Variants in STK17B observed in about 807,000 individuals in gnomAD.
STK17B encodes serine/threonine-protein kinase 17B.
A neutral mutation model predicts 42.0 loss-of-function variants in STK17B; 21 were observed. That is an observed-to-expected ratio of 0.50 (90% CI 0.35 to 0.72). The LOEUF (loss-of-function observed/expected upper bound fraction) is 0.72. STK17B is among the 30% of genes least tolerant of loss of function. The pLI is 0.00. For missense variants in STK17B, 349 were observed against 446.0 expected (o/e 0.78, Z 1.96); for synonymous variants, 143 against 148.4 (o/e 0.96, Z 0.26).
At chr2:196,139,328 A>G (rs1446429876) in intron 7 of STK17B, among the ~76,000 whole-genome samples, 2 of 152,232 alleles carry the variant, frequency 1.3e-5, no homozygotes, top group Non-Finnish European at 2.9e-5. Flanking sequence ...TGTGTATTGT[A>G]AATTTCTATG....
At chr2:196,176,254 G>T (rs1699996109), upstream of STK17B, 1 of 152,090 alleles carries the variant, frequency 6.6e-6, no homozygotes, top group Non-Finnish European at 1.5e-5. Context: ...CCTCTCCTTG[G>T]AGCCACCTGG....
chr2:196,166,477 T>G (rs1253366054), intron 1 of STK17B, among the ~76,000 whole-genome samples: 3 of 152,186 alleles, frequency 2.0e-5, no homozygotes, highest in Non-Finnish European at 2.9e-5. Flanking sequence ...TTTTATCAGG[T>G]TATAGCATTT....
chr2:196,174,826 C>T (rs1358737897), upstream of STK17B, among the ~76,000 whole-genome samples: 1 of 152,242 alleles, frequency 6.6e-6, no homozygotes, highest in Non-Finnish European at 1.5e-5. Context: ...TCTTGAAACA[C>T]TATTAGCAAA....
chr2:196,158,672 C>T (rs893591031), intron 2 of STK17B, among the ~76,000 whole-genome samples: 1 of 152,086 alleles, frequency 6.6e-6, no homozygotes, highest in Admixed American at 6.5e-5. Context: ...AATGTGAATT[C>T]CTAACTTTCT....
intron 6 of STK17B, among the ~76,000 whole-genome samples, chr2:196,140,966 T>C (rs1270471346): frequency 6.6e-6 from 1 of 152,216 alleles, no homozygotes; most frequent in African/African-American, 2.4e-5. Flanking sequence ...ACCTTCATCA[T>C]AAAATATGTA....
At chr2:196,137,962 A>T (rs1699431849) in intron 7 of STK17B, among the ~76,000 whole-genome samples, 1 of 152,220 alleles carries the variant, frequency 6.6e-6, no homozygotes, top group Non-Finnish European at 1.5e-5. Flanking sequence ...TTATTTAACA[A>T]TCATAACAAA....
intron 4 of STK17B, among the ~76,000 whole-genome samples, chr2:196,145,131 C>T (rs1215761103): frequency 6.6e-6 from 1 of 150,478 alleles, no homozygotes; most frequent in Non-Finnish European, 1.5e-5. Context: ...TACTGTCCCC[C>T]TGCTCCATAG....
intron 3 of STK17B, among the ~76,000 whole-genome samples, chr2:196,147,891 C>T (rs1699603977): frequency 6.6e-6 from 1 of 152,044 alleles, no homozygotes; most frequent in Admixed American, 6.6e-5. Context: ...GCCACCACGC[C>T]CGGCTAATTT....
chr2:196,155,720 A>G (rs1699729263), intron 3 of STK17B, among the ~76,000 whole-genome samples: 1 of 152,196 alleles, frequency 6.6e-6, no homozygotes, highest in Non-Finnish European at 1.5e-5. Context: ...TCCTTAGAAT[A>G]AACGTGACAG....
At position 196,137,231 on chromosome 2, in the gene STK17B, A is replaced by T; in HGVS notation, c.*216T>A. The T allele has an allele frequency of 2.1e-6, 1 of 482,266 alleles. No individual in the cohort carries two copies. Among genetic ancestry groups the T allele is most frequent in the Non-Finnish European group, 3.6e-6 (1 of 280,488 alleles). The allele number at this position is 482,266 out of a possible 1,614,324, so 29.9% of individuals were successfully genotyped here. A position where few individuals can be genotyped will look rare whatever the true frequency, so the allele number is the denominator to read the frequency against. On this transcript the variant is annotated 3_prime_UTR_variant, in exon 8 of 8. Coordinates refer to ENST00000263955, the MANE Select transcript of STK17B (RefSeq NM_004226.4). ...CATGTACAATTTTACTTTTTGTCAT[A>T]TATTTAAATATTTTCTTATCTGCAG... is the stretch of plus-strand genomic sequence containing the variant.
Position 196,137,491 on chromosome 2 carries a change from A to T in STK17B, c.1075T>A (p.Ser359Thr). The T allele has an allele frequency of 6.2e-7, 1 of 1,614,144 alleles. No individual in the cohort carries two copies. Among genetic ancestry groups the T allele is most frequent in the South Asian group, 1.1e-5 (1 of 91,082 alleles). ...MVSKRFRFDD[S>T]LPNPHELVSD... is the part of the protein sequence containing the mutation. ...ACAAGTTCATGGGGATTGGGTAATG[A>T]GTCATCGAAACGAAATCTTTTGGAA... Residue 359 changes from serine (S) to threonine (T), a missense_variant, in exon 8 of 8, where the codon TCA (serine) becomes ACA (threonine). By Grantham distance (58) the Ser-to-Thr change is moderately conservative. Coordinates refer to ENST00000263955, the MANE Select transcript of STK17B (RefSeq NM_004226.4).
chr2:196,157,732 G>A (rs1348979287), intron 2 of STK17B, among the ~76,000 whole-genome samples: 1 of 152,186 alleles, frequency 6.6e-6, no homozygotes, highest in Non-Finnish European at 1.5e-5. Flanking sequence ...CTCTCCAATG[G>A]CAGTGCTTAG....
rs1699942547 is a variant in STK17B at position 196,171,489 on chromosome 2, A to G, written c.-201T>C. The G allele has an allele frequency of 6.6e-6, 1 of 152,220 alleles. No homozygotes were observed. The highest frequency in any genetic ancestry group is 1.9e-4 in the East Asian group (1 of 5,186). 9.4% of individuals were successfully genotyped at this position (152,220 alleles called of 1,614,324 possible). On this transcript the variant is annotated 5_prime_UTR_variant, in exon 1 of 8. Coordinates refer to ENST00000263955, the MANE Select transcript of STK17B (RefSeq NM_004226.4). Reference sequence around the variant, plus strand: ...GCAGGATCCACTTTTACTTTTCCAGACAAGGGCCGACGGTTGTGACCTGGC... The same window carrying G: ...GCAGGATCCACTTTTACTTTTCCAGGCAAGGGCCGACGGTTGTGACCTGGC...
chr2:196,162,536 T>A (rs1699825355), intron 2 of STK17B, among the ~76,000 whole-genome samples: 1 of 151,930 alleles, frequency 6.6e-6, no homozygotes, highest in African/African-American at 2.4e-5. Flanking sequence ...TTAATCCTCA[T>A]AACAACCATA....
upstream of STK17B, among the ~76,000 whole-genome samples, chr2:196,172,001 G>C (rs1304645196): frequency 6.6e-6 from 1 of 152,234 alleles, no homozygotes; most frequent in Non-Finnish European, 1.5e-5. Flanking sequence ...AAACTTCAGT[G>C]CCTACCAAAG....
intron 1 of STK17B, among the ~76,000 whole-genome samples, chr2:196,164,044 A>G (rs890372391): frequency 8.6e-5 from 13 of 150,770 alleles, no homozygotes; most frequent in African/African-American, 3.2e-4. Context: ...ATCTCAATAA[A>G]TAAATAAATA....
At chr2:196,165,900 C>T (rs1699869615) in intron 1 of STK17B, among the ~76,000 whole-genome samples, 1 of 152,220 alleles carries the variant, frequency 6.6e-6, no homozygotes. Context: ...GTACTGTTTC[C>T]ATGTACAAAA....
intron 3 of STK17B, 61 bp from the exon 4 acceptor site, chr2:196,146,116 T>C (rs1185601705): frequency 9.0e-6 from 13 of 1,451,748 alleles, no homozygotes; most frequent in Non-Finnish European, 1.1e-5. Flanking sequence ...CTTTTAAATA[T>C]TGTGTACCTG....
At chr2:196,156,415 A>C (rs766028430) in intron 3 of STK17B, 24 bp downstream of exon 3, 1 of 1,525,122 alleles carries the variant, frequency 6.6e-7, no homozygotes, top group South Asian at 1.2e-5. Context: ...CAACTAAAAT[A>C]GGTACTATTT....
Sources: allele counts gnomAD v4.1 joint callset (sites outside exome capture counted in the v4.1 genomes callset), GRCh38; gene constraint gnomAD v4.1.1; transcripts MANE v1.5; gene names NCBI Gene and HGNC (gene_info 2026-07-23, HGNC 2026-07-21).